The following MROH9 variants were observed in gnomAD, a reference collection of about 807,000 sequenced individuals.
The protein encoded by MROH9 is maestro heat like repeat family member 9.
Under a neutral mutation model 98.2 loss-of-function variants are expected in MROH9, and 92 were observed. The observed-to-expected ratio is 0.94, with a 90% CI of 0.79 to 1.11. The LOEUF is 1.11. MROH9 is among the 50% of genes most tolerant of loss of function. The probability of loss-of-function intolerance (pLI) is 0.00; values close to 1 mark genes in which losing one functional copy is unlikely to be tolerated. For missense variants in MROH9, 1,057 were observed against 1,014.8 expected (o/e 1.04, Z -0.57); for synonymous variants, 397 against 368.9 (o/e 1.08, Z -0.87).
At chr1:171,038,982 T>G (rs943413194) in intron 20 of MROH9, among the ~76,000 whole-genome samples, 6 of 152,018 alleles carry the variant, frequency 3.9e-5, no homozygotes, top group African/African-American at 1.4e-4. Context: ...TTCTGCATGG[T>G]AGCAACCCGG....
At chr1:171,033,581 G>C (rs1653000095) in intron 20 of MROH9, among the ~76,000 whole-genome samples, 1 of 152,208 alleles carries the variant, frequency 6.6e-6, no homozygotes, top group Non-Finnish European at 1.5e-5. Context: ...GGTCACGCCA[G>C]CCTCCTAGTC....
At chr1:170,968,956 T>G (rs1650337166) in intron 7 of MROH9, among the ~76,000 whole-genome samples, 1 of 152,068 alleles carries the variant, frequency 6.6e-6, no homozygotes, top group South Asian at 2.1e-4. Flanking sequence ...CAGGAAAACT[T>G]AAATAAGTTA....
At position 171,064,427 on chromosome 1, in the gene MROH9, T is replaced by C; in HGVS notation, c.*87T>C. On this transcript the variant is annotated 3_prime_UTR_variant, in exon 22 of 22. Coordinates refer to ENST00000367759, the MANE Select transcript of MROH9 (RefSeq NM_001163629.2). ...CTGACCTTAGAAGAAGAATGATTTTTCTTTCCCTCCTGACAACTTGAGTCT... is the reference window on the plus strand; with the variant it reads ...CTGACCTTAGAAGAAGAATGATTTTCCTTTCCCTCCTGACAACTTGAGTCT... The C allele has an allele frequency of 7.4e-7, 1 of 1,353,760 alleles. No homozygotes were observed. The highest frequency in any genetic ancestry group is 9.8e-7 in the Non-Finnish European group (1 of 1,025,160). The allele number at this position is 1,353,760 out of a possible 1,614,324, so 83.9% of individuals were successfully genotyped here.
chr1:170,941,350 G>A (rs1382404725), intron 1 of MROH9, among the ~76,000 whole-genome samples: 1 of 152,118 alleles, frequency 6.6e-6, no homozygotes, highest in Non-Finnish European at 1.5e-5. Context: ...GGAATTCTGG[G>A]TTTATAAGCC....
intron 7 of MROH9, among the ~76,000 whole-genome samples, chr1:170,965,674 G>A (rs1650207720): frequency 6.6e-6 from 1 of 152,000 alleles, no homozygotes; most frequent in South Asian, 2.1e-4. Context: ...ACATGCTAGA[G>A]GTAGAGCATA....
At chr1:170,978,591 T>G (rs753669464) in intron 8 of MROH9, among the ~76,000 whole-genome samples, 1 of 152,166 alleles carries the variant, frequency 6.6e-6, no homozygotes, top group Non-Finnish European at 1.5e-5. Context: ...TTCCTTCCCC[T>G]AGCCCAAGGG....
intron 1 of MROH9, among the ~76,000 whole-genome samples, chr1:170,941,043 A>AGATGT: frequency 1.3e-5 from 2 of 152,108 alleles, no homozygotes; most frequent in Non-Finnish European, 2.9e-5. Flanking sequence ...TTGGGGACAC[A>AGATGT]CCGGACCCAC....
intron 17 of MROH9, among the ~76,000 whole-genome samples, chr1:171,017,435 T>C (rs1274058619): frequency 6.6e-6 from 1 of 152,090 alleles, no homozygotes; most frequent in African/African-American, 2.4e-5. Context: ...AAAATCCCAC[T>C]TGTGAGCCCA....
chr1:171,023,286 G>T (rs1267276550), intron 17 of MROH9, among the ~76,000 whole-genome samples: 1 of 152,022 alleles, frequency 6.6e-6, no homozygotes, highest in Admixed American at 6.6e-5. Flanking sequence ...TTCCTTTATA[G>T]AATCATTTTT....
In MROH9 at chr1:171,029,505, G is replaced by C. The variant is rs1482480463; in HGVS notation, c.2281+4085G>C. 2.0e-5 allele frequency among the ~76,000 whole-genome samples: 3 copies of C among 152,010 alleles called. No homozygotes were observed. In the East Asian group the frequency reaches 5.8e-4, roughly 29 times the overall value. On this transcript the variant is annotated intron_variant, in intron 20 of 21. Transcript: ENST00000367759. ...TTGTTAAGAGTTTTTAACTTGAAGG[G>C]ATGTTGAATTTTATCAAACGCCTTT...
At chr1:170,977,707 C>T (rs921337473) in intron 8 of MROH9, among the ~76,000 whole-genome samples, 4 of 152,152 alleles carry the variant, frequency 2.6e-5, no homozygotes, top group Non-Finnish European at 4.4e-5. Flanking sequence ...GGATGCCTAC[C>T]ACAACTCTGG....
intron 20 of MROH9, among the ~76,000 whole-genome samples, chr1:171,039,427 C>T (rs1408165162): frequency 6.6e-6 from 1 of 152,162 alleles, no homozygotes; most frequent in African/African-American, 2.4e-5. Context: ...CACATAGTTT[C>T]CCATATCAGC....
chr1:170,941,428 C>T (rs769252581), intron 1 of MROH9, among the ~76,000 whole-genome samples: 1 of 151,882 alleles, frequency 6.6e-6, no homozygotes, highest in Non-Finnish European at 1.5e-5. Context: ...TTTTTGTTCA[C>T]TTGACCTAGA....
intron 1 of MROH9, among the ~76,000 whole-genome samples, chr1:170,937,805 G>A (rs994610895): frequency 1.2e-4 from 19 of 152,096 alleles, no homozygotes; most frequent in African/African-American, 4.1e-4. Flanking sequence ...TTACAGGCGT[G>A]AGCCACCGCG....
chr1:171,064,190 G>C lies in MROH9; in HGVS notation c.2436G>C (p.Leu812=). 1 of 1,551,266 alleles carries C rather than the reference G, an allele frequency of 6.4e-7. No homozygotes were observed. Among genetic ancestry groups the C allele is most frequent in the Non-Finnish European group, 8.7e-7 (1 of 1,146,862 alleles). The change falls in exon 22 of 22, where the codon CTG becomes CTC. Residue 812 remains leucine (L), a synonymous_variant. Transcript: ENST00000367759. ...TTTTTAAGAAAAAAGCCCATAAACT[G>C]ACCTCTGCACCTCTTAAACAAAACT... ...YDIFKKKAHK[L]TSAPLKQNFQ... is the part of the protein sequence containing the mutation.
In MROH9 at chr1:170,989,866, C is replaced by T. The variant is rs1244877850; in HGVS notation, c.891C>T (p.Ile297=). The T allele has an allele frequency of 7.5e-6, 12 of 1,601,098 alleles. No homozygotes were observed. Among genetic ancestry groups the T allele is most frequent in the South Asian group, 3.3e-5 (3 of 89,834 alleles). ...AATTTCTCTTCCAGGTGTCTAAGAT[C>T]GTGGATGCTATTTACAGGCAACTGT... ...HAEKVTMVSK[I]VDAIYRQLCD... The change falls in exon 11 of 22, where the codon ATC becomes ATT. Residue 297 remains isoleucine (I), a synonymous_variant. Transcript: ENST00000367759.
In MROH9 at chr1:170,998,160, C is replaced by A; in HGVS notation, c.1482C>A (p.Leu494=). The change falls in exon 15 of 22, where the codon CTC becomes CTA. Residue 494 remains leucine (L), a synonymous_variant. Coordinates refer to ENST00000367759, the MANE Select transcript of MROH9 (RefSeq NM_001163629.2). ...YHGVCFIAKT[L]SEYNFPQFPE... ...GCCTTATTCTCTTTTACAGAACTCTCAGTGAATATAACTTTCCACAGTTTC... is the reference window on the plus strand; with the variant it reads ...GCCTTATTCTCTTTTACAGAACTCTAAGTGAATATAACTTTCCACAGTTTC... 6.2e-7 allele frequency: 1 copy of A among 1,600,996 alleles called. No individual in the cohort carries two copies. The highest frequency in any genetic ancestry group is 8.5e-7 in the Non-Finnish European group (1 of 1,175,528).
intron 7 of MROH9, 149 bp downstream of exon 7, chr1:170,965,404 T>C (rs1650195462): frequency 5.5e-6 from 3 of 550,428 alleles, no homozygotes; most frequent in Middle Eastern, 2.7e-4. Context: ...AAGGAGTCAA[T>C]ATCCCACATG....
At chr1:171,015,133 T>A (rs1652284825) in intron 16 of MROH9, 2 of 458,108 alleles carry the variant, frequency 4.4e-6, no homozygotes, top group Admixed American at 2.4e-5. Flanking sequence ...AATAAATCGT[T>A]GTTTATCTAA....
Sources: allele counts gnomAD v4.1 joint callset (sites outside exome capture counted in the v4.1 genomes callset), GRCh38; gene constraint gnomAD v4.1.1; transcripts MANE v1.5; gene names NCBI Gene and HGNC (gene_info 2026-07-23, HGNC 2026-07-21).